Variants in PSMB3 observed in about 807,000 individuals in gnomAD.
The protein encoded by PSMB3 is proteasome subunit beta type-3.
Under a neutral mutation model 23.3 loss-of-function variants are expected in PSMB3, and 5 were observed. That is an observed-to-expected ratio of 0.21 (90% confidence interval 0.11 to 0.45). The LOEUF is 0.45. Among genes scored for constraint, PSMB3 ranks in the 20% least tolerant of loss-of-function variants. PSMB3 has a pLI of 0.99. For missense variants in PSMB3, 192 were observed against 277.9 expected (o/e 0.69, Z 2.20); for synonymous variants, 85 against 99.8 (o/e 0.85, Z 0.88).
intron 4 of PSMB3, among the ~76,000 whole-genome samples, chr17:38,761,582 G>A (rs1223919373): frequency 6.6e-6 from 1 of 152,156 alleles, no homozygotes; most frequent in Non-Finnish European, 1.5e-5. Flanking sequence ...ACTGCAGTTT[G>A]TTGGGAAGAG....
rs989309286 is a variant in PSMB3, at chr17:38,760,700, G to A, written c.474+92G>A. The A allele has an allele frequency of 3.5e-6, 5 of 1,420,660 alleles. No homozygotes were observed. The African/African-American group carries it at 7.1e-5, about 20-fold the overall frequency. 88.0% of individuals were successfully genotyped at this position (1,420,660 alleles called of 1,614,324 possible). On this transcript the variant is annotated intron_variant, in intron 4 of 5. Coordinates refer to ENST00000619426, the MANE Select transcript of PSMB3 (RefSeq NM_002795.4). ...GTGTTTATGTGGCAGGTAATGGGGAGAATGGTGCAGGTGGGAGAGAAAGCC... is the reference window on the plus strand; with the variant it reads ...GTGTTTATGTGGCAGGTAATGGGGAAAATGGTGCAGGTGGGAGAGAAAGCC...
At chr17:38,759,287 T>C (rs35246838) in intron 3 of PSMB3, among the ~76,000 whole-genome samples, 13,462 of 152,254 alleles carry the variant, frequency 0.088, 837 homozygotes, top group Middle Eastern at 0.13. Flanking sequence ...CAGTGTAAAG[T>C]ATCTGTTGTT....
chr17:38,758,599 C>G (rs1908309293), intron 3 of PSMB3, among the ~76,000 whole-genome samples: 1 of 152,158 alleles, frequency 6.6e-6, no homozygotes, highest in Non-Finnish European at 1.5e-5. Context: ...GCCTTGGCCT[C>G]CTCCCTAAGT....
At chr17:38,755,570 G>A (rs571580504) in intron 2 of PSMB3, among the ~76,000 whole-genome samples, 9 of 151,472 alleles carry the variant, frequency 5.9e-5, no homozygotes, top group South Asian at 2.1e-4. Flanking sequence ...GCGTGAACCC[G>A]GGTGGCGGAG....
Position 38,764,109 on chromosome 17 carries a change from C to A in PSMB3, c.570-10C>A. On this transcript the variant is annotated splice_polypyrimidine_tract_variant and intron_variant, in intron 5 of 5. Transcript: ENST00000619426. ...TAGAGATGTTTTCTTGTGATTTTCT[C>A]CCTCTGCAGCGAGAAGGACAAAATC... The A allele has an allele frequency of 6.2e-7, 1 of 1,614,140 alleles. No individual in the cohort carries two copies. The highest frequency in any genetic ancestry group is 8.5e-7 in the Non-Finnish European group (1 of 1,180,004).
At chr17:38,756,084 C>T in intron 3 of PSMB3, 94 bp downstream of exon 3, 6 of 1,039,372 alleles carry the variant, frequency 5.8e-6, no homozygotes, top group South Asian at 4.1e-5. Flanking sequence ...CTTGTTTTTC[C>T]ATCTCTTATT....
intron 3 of PSMB3, among the ~76,000 whole-genome samples, chr17:38,756,839 T>G (rs1908219053): frequency 2.0e-5 from 3 of 151,766 alleles, no homozygotes. Flanking sequence ...TTTGAAGTAA[T>G]TTTTGTAATT....
At chr17:38,759,032 C>A in intron 3 of PSMB3, among the ~76,000 whole-genome samples, 1 of 151,984 alleles carries the variant, frequency 6.6e-6, no homozygotes, top group East Asian at 1.9e-4. Context: ...GGCGACAGAG[C>A]AAGACTGTCT....
chr17:38,762,538 T>C, intron 5 of PSMB3, 33 bp downstream of exon 5: 1 of 1,572,634 alleles, frequency 6.4e-7, no homozygotes, highest in Non-Finnish European at 8.8e-7. Flanking sequence ...CTAGAAGCTC[T>C]GCAGACACCC....
rs58013738 is a variant in PSMB3, at chr17:38,755,715, T to TGCGTGCGC, written c.189-166_189-165insGTGCGCGC. Among the ~76,000 whole-genome samples, 16 of 138,486 alleles carry TGCGTGCGC rather than the reference T, an allele frequency of 1.2e-4. No individual in the cohort carries two copies. The South Asian group carries it at 3.1e-3, about 27-fold the overall frequency. 90.9% of individuals were successfully genotyped at this position (138,486 alleles called of 152,430 possible). ...GTGTGTGTGTGTGTGTGTGTGTGTG[T>TGCGTGCGC]GCTGCCAAAGCAAGCACCAGTTGCT... On this transcript the variant is annotated intron_variant, in intron 2 of 5. Transcript: ENST00000619426.
In PSMB3 at chr17:38,755,986, A is replaced by G; in HGVS notation, c.292A>G (p.Lys98Glu). 6.2e-7 allele frequency: 1 copy of G among 1,610,212 alleles called. No homozygotes were observed. Residue 98 changes from lysine (K) to glutamate (E), a missense_variant, in exon 3 of 6, where the codon AAA becomes GAA. Physicochemically the swap from Lys to Glu is moderately conservative, Grantham distance 56 (BLOSUM62 1). Transcript: ENST00000619426. ...MSMVANLLYEKRFGPYYTEPV... is the reference protein window; with the variant it reads ...MSMVANLLYEERFGPYYTEPV... ...CATGGTGGCCAACCTCTTGTATGAG[A>G]AACGGTGAGTGCAAGTGTAGCTAGC...
intron 3 of PSMB3, among the ~76,000 whole-genome samples, chr17:38,758,668 C>T (rs371543166): frequency 5.8e-4 from 88 of 152,252 alleles, no homozygotes; most frequent in African/African-American, 2.0e-3. Flanking sequence ...TTCATGGTGG[C>T]TCATGCCTGT....
At chr17:38,755,682 A>T (rs12940650) in intron 2 of PSMB3, among the ~76,000 whole-genome samples, 1 of 90,272 alleles carries the variant, frequency 1.1e-5, no homozygotes, top group Non-Finnish European at 2.1e-5. Context: ...ATATATATAT[A>T]TGTGTGTGTG....
intron 5 of PSMB3, among the ~76,000 whole-genome samples, chr17:38,763,497 CTTTTTTTTTTTT>C (rs67563765): frequency 2.6e-5 from 2 of 76,032 alleles, no homozygotes; most frequent in African/African-American, 5.1e-5. Context: ...CTTCTTCCCC[CTTTTTTTTTTTT>C]TTTTTTTTTT....
chr17:38,753,482 T>TA, intron 2 of PSMB3, 148 bp downstream of exon 2: 1 of 783,386 alleles, frequency 1.3e-6, no homozygotes, highest in Non-Finnish European at 1.9e-6. Context: ...TCCTTCCCTT[T>TA]CTTTTTTTTT....
chr17:38,760,847 T>C (rs766630142), intron 4 of PSMB3, among the ~76,000 whole-genome samples: 1 of 152,146 alleles, frequency 6.6e-6, no homozygotes, highest in African/African-American at 2.4e-5. Context: ...GCAGTAAGAA[T>C]TCCTTACATT....
chr17:38,762,589 C>A, intron 5 of PSMB3, 84 bp downstream of exon 5: 1 of 1,328,782 alleles, frequency 7.5e-7, no homozygotes, highest in Non-Finnish European at 1.1e-6. Context: ...CCCATTTTCC[C>A]AGCCCCCTGG....
Position 38,752,905 on chromosome 17 carries a change from GA to G in PSMB3, c.3+80del. On this transcript the variant is annotated intron_variant, in intron 1 of 5. Coordinates refer to ENST00000619426, the MANE Select transcript of PSMB3 (RefSeq NM_002795.4). This position sits in a 1 kb window ranked among gnomAD's most constrained non-coding sequence, Gnocchi z 5.5. ...AGGGGGTCAGGAGAGGCTTGGGGACGAAAAGGGCCTAGGGTCGATGGAAGGA... is the reference window on the plus strand; with the variant it reads ...AGGGGGTCAGGAGAGGCTTGGGGACGAAAGGGCCTAGGGTCGATGGAAGGA... The G allele has an allele frequency of 8.2e-6, 13 of 1,591,274 alleles. No homozygotes were observed. Among genetic ancestry groups the G allele is most frequent in the Non-Finnish European group, 1.1e-5 (13 of 1,163,240 alleles).
chr17:38,758,680 A>G (rs1263240961), intron 3 of PSMB3, among the ~76,000 whole-genome samples: 2 of 152,116 alleles, frequency 1.3e-5, no homozygotes, highest in Non-Finnish European at 1.5e-5. Context: ...CATGCCTGTA[A>G]TCTTGAACTG....
Sources: allele counts gnomAD v4.1 joint callset (sites outside exome capture counted in the v4.1 genomes callset), GRCh38; gene constraint gnomAD v4.1.1; non-coding constraint Gnocchi (gnomAD v3.1); transcripts MANE v1.5; gene names NCBI Gene and HGNC (gene_info 2026-07-23, HGNC 2026-07-21).